Variants in TDRD5 observed in about 807,000 individuals in gnomAD.
TDRD5 encodes the protein tudor domain-containing protein 5.
Under a neutral mutation model 120.6 loss-of-function variants are expected in TDRD5, and 41 were observed. The observed-to-expected ratio is 0.34, with a 90% CI of 0.26 to 0.44. The LOEUF (loss-of-function observed/expected upper bound fraction) is 0.44, where lower values mean the gene tolerates loss of function less well. TDRD5 is among the 20% of genes least tolerant of loss of function. The pLI is 1.00. For synonymous variants in TDRD5, 430 were observed against 433.7 expected, an observed-to-expected ratio of 0.99 and a Z score of 0.11; for missense variants, 1,006 against 1,221.2, an observed-to-expected ratio of 0.82 and a Z score of 2.63.
At chr1:179,637,652 C>T (rs1677835801) in intron 9 of TDRD5, among the ~76,000 whole-genome samples, 1 of 151,196 alleles carries the variant, frequency 6.6e-6, no homozygotes, top group Non-Finnish European at 1.5e-5. Flanking sequence ...GAGGTTGAAG[C>T]TGCAGTGAGT....
At chr1:179,686,387 T>G (rs1680713223) in intron 17 of TDRD5, among the ~76,000 whole-genome samples, 1 of 152,238 alleles carries the variant, frequency 6.6e-6, no homozygotes, top group Non-Finnish European at 1.5e-5. Flanking sequence ...ATTCCAGGGA[T>G]GAAGCCCACT....
chr1:179,614,759 A>G (rs1023870492), intron 4 of TDRD5, among the ~76,000 whole-genome samples: 1 of 152,004 alleles, frequency 6.6e-6, no homozygotes, highest in African/African-American at 2.4e-5. Context: ...GGGTTTAAAA[A>G]TATTTTTAAT....
chr1:179,627,976 T>G (rs1425641035), intron 6 of TDRD5, among the ~76,000 whole-genome samples: 1 of 152,132 alleles, frequency 6.6e-6, no homozygotes, highest in Non-Finnish European at 1.5e-5. Context: ...GATCTAGGAA[T>G]TGACTAATAA....
chr1:179,666,563 C>T (rs918183754), intron 16 of TDRD5, among the ~76,000 whole-genome samples: 1 of 152,116 alleles, frequency 6.6e-6, no homozygotes, highest in African/African-American at 2.4e-5. Context: ...TTTTTTCCTC[C>T]TACCTCCCGA....
intron 4 of TDRD5, among the ~76,000 whole-genome samples, chr1:179,610,618 G>A (rs138061138): frequency 0.01 from 1,587 of 152,214 alleles, 31 homozygotes; most frequent in African/African-American, 0.035. Context: ...ATCCTTGAAA[G>A]ATGGTTAAGT....
intron 10 of TDRD5, 25 bp downstream of exon 10, chr1:179,640,076 T>C (rs1558398794): frequency 6.2e-7 from 1 of 1,609,238 alleles, no homozygotes; most frequent in Non-Finnish European, 8.5e-7. Flanking sequence ...ATTAGAACAA[T>C]GGATGAATTA....
chr1:179,627,386 C>T (rs1003350333), intron 6 of TDRD5, among the ~76,000 whole-genome samples: 1 of 152,128 alleles, frequency 6.6e-6, no homozygotes, highest in Non-Finnish European at 1.5e-5. Flanking sequence ...GCAATGTACT[C>T]TGCTAATGTA....
At chr1:179,592,919 T>G in intron 2 of TDRD5, 72 bp downstream of exon 2, 1 of 1,445,932 alleles carries the variant, frequency 6.9e-7, no homozygotes, top group Non-Finnish European at 9.5e-7. Flanking sequence ...ATTATTCTAG[T>G]TCTGCAGTTA....
At chr1:179,663,970 G>A (rs1679443065) in intron 16 of TDRD5, among the ~76,000 whole-genome samples, 1 of 152,128 alleles carries the variant, frequency 6.6e-6, no homozygotes, top group Non-Finnish European at 1.5e-5. Context: ...ATTGTTTCAG[G>A]TTTCCTGAAT....
chr1:179,608,376 C>G (rs185918699), intron 4 of TDRD5, among the ~76,000 whole-genome samples: 1 of 151,996 alleles, frequency 6.6e-6, no homozygotes, highest in Non-Finnish European at 1.5e-5. Flanking sequence ...ATATTTTTCT[C>G]TCCTCTTTTG....
chr1:179,689,115 G>A (rs1680948610), intron 17 of TDRD5, among the ~76,000 whole-genome samples: 1 of 152,214 alleles, frequency 6.6e-6, no homozygotes, highest in Admixed American at 6.5e-5. Context: ...TTCCTTTGGA[G>A]GAGAAGAGGA....
At chr1:179,614,614 G>A (rs1676466133) in intron 4 of TDRD5, among the ~76,000 whole-genome samples, 1 of 152,106 alleles carries the variant, frequency 6.6e-6, no homozygotes. Context: ...TAGATTGTGT[G>A]TGTGCTCCTT....
intron 3 of TDRD5, among the ~76,000 whole-genome samples, 168 bp from the exon 4 acceptor site, chr1:179,595,460 A>C (rs1675339817): frequency 6.6e-6 from 1 of 152,042 alleles, no homozygotes; most frequent in Non-Finnish European, 1.5e-5. Context: ...AATAACTTAC[A>C]CTATATGTAA....
chr1:179,612,412 A>G (rs940610714), intron 4 of TDRD5, among the ~76,000 whole-genome samples: 3 of 152,170 alleles, frequency 2.0e-5, no homozygotes, highest in Non-Finnish European at 2.9e-5. Flanking sequence ...TAGAGGAGAA[A>G]TGAACATTTT....
At chr1:179,644,239 G>A (rs1047760470) in intron 11 of TDRD5, among the ~76,000 whole-genome samples, 1 of 151,992 alleles carries the variant, frequency 6.6e-6, no homozygotes, top group African/African-American at 2.4e-5. Flanking sequence ...GTTAATATGT[G>A]GGCAAATATG....
chr1:179,687,180 A>G (rs1049785877), intron 17 of TDRD5, among the ~76,000 whole-genome samples: 2 of 152,206 alleles, frequency 1.3e-5, no homozygotes, highest in Non-Finnish European at 2.9e-5. Flanking sequence ...GTGGGCATTT[A>G]GTGCTATAAA....
At chr1:179,679,624 T>C (rs1033195227) in intron 17 of TDRD5, among the ~76,000 whole-genome samples, 16 of 152,124 alleles carry the variant, frequency 1.1e-4, no homozygotes, top group African/African-American at 3.9e-4. Context: ...ATCCATTTCA[T>C]CTAAACTGTA....
At position 179,638,596 on chromosome 1, in the gene TDRD5, G is replaced by A. The variant is rs1338533856; in HGVS notation, c.1521-1243G>A. ...TACATTCTGATATGATAGTTCCGTG[G>A]TGGGAGGGGGACACAGTTATAGAAT... On this transcript the variant is annotated intron_variant, in intron 9 of 17. Transcript: ENST00000444136. Among the ~76,000 whole-genome samples the A allele has an allele frequency of 3.9e-5, 5 of 127,774 alleles. 2 individuals carry two copies. The East Asian group carries it at 1.2e-3, about 30-fold the overall frequency. The allele number at this position is 127,774 out of a possible 152,430, so 83.8% of individuals were successfully genotyped here. A position where few individuals can be genotyped will look rare whatever the true frequency, so the allele number is the denominator to read the frequency against.
At chr1:179,666,692 C>G (rs901775649) in intron 16 of TDRD5, among the ~76,000 whole-genome samples, 2 of 152,122 alleles carry the variant, frequency 1.3e-5, no homozygotes, top group African/African-American at 2.4e-5. Flanking sequence ...TATGGCAACC[C>G]TATGTTTAAC....
Sources: allele counts gnomAD v4.1 joint callset (sites outside exome capture counted in the v4.1 genomes callset), GRCh38; gene constraint gnomAD v4.1.1; transcripts MANE v1.5; gene names NCBI Gene and HGNC (gene_info 2026-07-23, HGNC 2026-07-21).